ZNRF1: variants seen among roughly 807,000 people sequenced by gnomAD.
ZNRF1 encodes zinc and ring finger 1, also known as E3 ubiquitin-protein ligase ZNRF1.
Under a neutral mutation model 18.4 loss-of-function variants are expected in ZNRF1, and 3 were observed. That is an observed-to-expected ratio of 0.16 (90% CI 0.07 to 0.42). ZNRF1 has a LOEUF of 0.42. ZNRF1 is among the 10% of genes least tolerant of loss of function. The pLI is 0.99. For missense variants in ZNRF1, 310 were observed against 329.8 expected, an observed-to-expected ratio of 0.94 and a Z score of 0.47; for synonymous variants, 157 against 144.2, an observed-to-expected ratio of 1.09 and a Z score of -0.64.
chr16:75,085,011 C>G (rs964969930), intron 1 of ZNRF1, among the ~76,000 whole-genome samples: 3 of 152,112 alleles, frequency 2.0e-5, no homozygotes, highest in African/African-American at 4.8e-5. Flanking sequence ...AACTGCAGTT[C>G]CATATTTGTT....
At chr16:75,005,123 A>G (rs1291692416) in intron 1 of ZNRF1, among the ~76,000 whole-genome samples, 2 of 152,152 alleles carry the variant, frequency 1.3e-5, no homozygotes, top group East Asian at 1.9e-4. Context: ...TGGTTTCTGG[A>G]GAAGGAAAAG....
chr16:75,081,371 T>A (rs2036010531), intron 1 of ZNRF1, among the ~76,000 whole-genome samples: 1 of 152,214 alleles, frequency 6.6e-6, no homozygotes, highest in South Asian at 2.1e-4. Context: ...GAAGTGACAC[T>A]TTCTTCTGCT....
Position 75,108,815 on chromosome 16 carries a change from G to A in ZNRF1, c.*1115G>A, listed in dbSNP as rs936622065. 33 of 350,512 alleles carry A rather than the reference G, an allele frequency of 9.4e-5. No individual in the cohort carries two copies. Among genetic ancestry groups the A allele is most frequent in the Non-Finnish European group, 1.2e-4 (24 of 197,890 alleles). The allele number at this position is 350,512 out of a possible 1,614,324, so 21.7% of individuals were successfully genotyped here. On this transcript the variant is annotated 3_prime_UTR_variant, in exon 5 of 5. Coordinates refer to ENST00000335325, the MANE Select transcript of ZNRF1 (RefSeq NM_032268.5). ...TACCTCCTTAGCATTCCTTCAGGCT[G>A]CTACTCGGGGCTCCAGGTGTGTGAA...
At chr16:75,033,895 C>T (rs1403261029) in intron 1 of ZNRF1, among the ~76,000 whole-genome samples, 1 of 151,922 alleles carries the variant, frequency 6.6e-6, no homozygotes, top group African/African-American at 2.4e-5. Context: ...GCCTGTAATC[C>T]TAGCACTTTG....
intron 1 of ZNRF1, among the ~76,000 whole-genome samples, chr16:75,051,667 G>A (rs2035607630): frequency 6.6e-6 from 1 of 152,102 alleles, no homozygotes; most frequent in Admixed American, 6.5e-5. Flanking sequence ...ACAGGCATGT[G>A]CCACCACGCC....
At chr16:75,090,981 G>C (rs753164632) in intron 1 of ZNRF1, among the ~76,000 whole-genome samples, 1 of 152,098 alleles carries the variant, frequency 6.6e-6, no homozygotes, top group Non-Finnish European at 1.5e-5. Flanking sequence ...GAACTCCTGA[G>C]CTCAAGTGAT....
intron 1 of ZNRF1, among the ~76,000 whole-genome samples, chr16:75,081,419 G>A (rs1308868143): frequency 6.6e-6 from 1 of 152,176 alleles, no homozygotes; most frequent in Non-Finnish European, 1.5e-5. Context: ...AGTGGTAACT[G>A]CCTGTTTTAC....
chr16:75,050,338 C>A (rs190916241), intron 1 of ZNRF1, among the ~76,000 whole-genome samples: 1 of 152,080 alleles, frequency 6.6e-6, no homozygotes, highest in Non-Finnish European at 1.5e-5. Flanking sequence ...CCATACTGGG[C>A]AACATGGCAA....
Position 75,059,249 on chromosome 16 carries a change from T to TC in ZNRF1, c.425-34323_425-34322insC, listed in dbSNP as rs1567481784. On this transcript the variant is annotated intron_variant, in intron 1 of 4. Coordinates refer to ENST00000335325, the MANE Select transcript of ZNRF1 (RefSeq NM_032268.5). The stretch of plus-strand genomic sequence containing the variant: ...TCTTTCTTTTTTTTTTTTTTTCTTT[T>TC]TTTTTTTTTTTTTGTGGAGAAAGAG... Among the ~76,000 whole-genome samples the TC allele has an allele frequency of 8.7e-4, 119 of 137,142 alleles. 1 individual carries two copies. Among genetic ancestry groups the TC allele is most frequent in the African/African-American group, 3.2e-3 (117 of 37,058 alleles). The allele number at this position is 137,142 out of a possible 152,430, so 90.0% of individuals were successfully genotyped here. A position where few individuals can be genotyped will look rare whatever the true frequency, so the allele number is the denominator to read the frequency against.
At chr16:75,058,835 C>G (rs1027671944) in intron 1 of ZNRF1, among the ~76,000 whole-genome samples, 8 of 152,164 alleles carry the variant, frequency 5.3e-5, no homozygotes, top group African/African-American at 1.2e-4. Context: ...GGTCTCATCC[C>G]CCAGGAGATG....
chr16:75,039,759 G>A lies in ZNRF1; in HGVS notation c.424+39664G>A, dbSNP rs113740036. Among the ~76,000 whole-genome samples the A allele has an allele frequency of 1.3e-4, 20 of 152,302 alleles. No homozygotes were observed. The East Asian group carries it at 1.7e-3, about 13-fold the overall frequency. ...AACAGGTGTTCCAGGTGATTCTTACGTGTGCTGTTGTTGAAGAAGCACTGT... is the reference window on the plus strand; with the variant it reads ...AACAGGTGTTCCAGGTGATTCTTACATGTGCTGTTGTTGAAGAAGCACTGT... On this transcript the variant is annotated intron_variant, in intron 1 of 4. Transcript: ENST00000335325.
Position 75,000,061 on chromosome 16 carries a change from G to T in ZNRF1, c.390G>T (p.Leu130=), listed in dbSNP as rs2145308890. The change falls in exon 1 of 5, where the codon CTG becomes CTT. Residue 130 remains leucine, a synonymous_variant. Coordinates refer to ENST00000335325, the MANE Select transcript of ZNRF1 (RefSeq NM_032268.5). ...CCTCGCTGGCGGATGCTCTACCTCT[G>T]CACATCGCACCCAGGTGGTTCAGCT... ...SRASLADALP[L]HIAPRWFSSH... is the part of the protein sequence containing the mutation. The T allele has an allele frequency of 6.2e-7, 1 of 1,602,208 alleles. No individual in the cohort carries two copies. Among genetic ancestry groups the T allele is most frequent in the East Asian group, 2.3e-5 (1 of 44,438 alleles).
intron 2 of ZNRF1, among the ~76,000 whole-genome samples, chr16:75,101,802 C>T (rs1161526382): frequency 6.6e-6 from 1 of 152,216 alleles, no homozygotes; most frequent in African/African-American, 2.4e-5. Context: ...GTGCATCCTT[C>T]CAGACTTTGA....
At chr16:75,029,298 C>G (rs993711292) in intron 1 of ZNRF1, among the ~76,000 whole-genome samples, 2 of 152,084 alleles carry the variant, frequency 1.3e-5, no homozygotes, top group African/African-American at 4.8e-5. Context: ...AGGTGCCCAC[C>G]ACCATGCCCG....
intron 1 of ZNRF1, among the ~76,000 whole-genome samples, chr16:75,019,413 T>C (rs2035115135): frequency 1.3e-5 from 2 of 152,114 alleles, no homozygotes; most frequent in South Asian, 4.1e-4. Flanking sequence ...AACTGTAGTA[T>C]TTTCAAATTT....
chr16:75,050,695 C>A (rs1193522435), intron 1 of ZNRF1, among the ~76,000 whole-genome samples: 2 of 150,976 alleles, frequency 1.3e-5, no homozygotes, highest in Non-Finnish European at 3.0e-5. Context: ...GGTGAAACAC[C>A]GTCTCTACTA....
Position 75,043,790 on chromosome 16 carries a change from C to CTTTTTTTTTTTTTTTTTTTTTTTTTTT in ZNRF1, c.424+43711_424+43712insTTTTTTTTTTTTTTTTTTTTTTTTTTT, listed in dbSNP as rs59324869. Among the ~76,000 whole-genome samples the CTTTTTTTTTTTTTTTTTTTTTTTTTTT allele has an allele frequency of 6.7e-5, 5 of 75,188 alleles. 2 individuals are homozygous for CTTTTTTTTTTTTTTTTTTTTTTTTTTT. Among genetic ancestry groups the CTTTTTTTTTTTTTTTTTTTTTTTTTTT allele is most frequent in the Non-Finnish European group, 1.3e-4 (5 of 38,398 alleles). The allele number at this position is 75,188 out of a possible 152,430, so 49.3% of individuals were successfully genotyped here. A position where few individuals can be genotyped will look rare whatever the true frequency, so the allele number is the denominator to read the frequency against. On this transcript the variant is annotated intron_variant, in intron 1 of 4. Coordinates refer to ENST00000335325, the MANE Select transcript of ZNRF1 (RefSeq NM_032268.5). ...AGGAGCCAGCCATTCTTGCTTTGTA[C>CTTTTTTTTTTTTTTTTTTTTTTTTTTT]TTTTTTTTTTTTTTTTGAGACAGAG...
chr16:75,070,057 T>C (rs2035851498), intron 1 of ZNRF1, among the ~76,000 whole-genome samples: 1 of 152,210 alleles, frequency 6.6e-6, no homozygotes, highest in Admixed American at 6.5e-5. Flanking sequence ...TTTTAATCCA[T>C]ACACTTTCTG....
At chr16:75,052,869 CTT>C (rs1253917905) in intron 1 of ZNRF1, among the ~76,000 whole-genome samples, 4 of 152,262 alleles carry the variant, frequency 2.6e-5, no homozygotes, top group Admixed American at 6.5e-5. Flanking sequence ...TGCATGATCT[CTT>C]TTGTGATTTT....
Sources: allele counts gnomAD v4.1 joint callset (sites outside exome capture counted in the v4.1 genomes callset), GRCh38; gene constraint gnomAD v4.1.1; transcripts MANE v1.5; gene names NCBI Gene and HGNC (gene_info 2026-07-23, HGNC 2026-07-21).